Variants in KCNH1 observed in about 807,000 individuals in gnomAD.
KCNH1 encodes potassium voltage-gated channel subfamily H member 1, also known as voltage-gated delayed rectifier potassium channel KCNH1.
KCNH1 carries 27 observed loss-of-function variants against 69.2 expected under a neutral mutation model. The ratio of observed to expected loss-of-function variants is 0.39; its 90% CI spans 0.29 to 0.54. The LOEUF (loss-of-function observed/expected upper bound fraction) is 0.54. KCNH1 is among the 20% of genes least tolerant of loss of function. KCNH1 has a pLI of 0.68. For missense variants in KCNH1, 798 were observed against 1,261.6 expected, an observed-to-expected ratio of 0.63 and a Z score of 5.57; for synonymous variants, 456 against 487.7, an observed-to-expected ratio of 0.93 and a Z score of 0.86.
chr1:211,017,922 G>T lies in KCNH1; in HGVS notation c.1032+861C>A, dbSNP rs113462254. 9.5e-3 allele frequency among the ~76,000 whole-genome samples: 1,444 copies of T among 152,212 alleles called. 11 individuals are homozygous for T. Among genetic ancestry groups the T allele is most frequent in the Non-Finnish European group, 0.015 (1,050 of 68,006 alleles). On this transcript the variant is annotated intron_variant, in intron 6 of 10. Transcript: ENST00000271751. ...CCTAATGGGAGGTGTTTGGGTCATG[G>T]GGGGTGGATCCCTCTTAAGTATATT...
chr1:210,955,383 G>A lies in KCNH1; in HGVS notation c.1033-35314C>T, dbSNP rs572009407. Among the ~76,000 whole-genome samples, 3 of 152,202 alleles carry A rather than the reference G, an allele frequency of 2.0e-5. No individual in the cohort carries two copies. The East Asian group carries it at 5.8e-4, about 29-fold the overall frequency. ...TGGCTTAGGATTGTCTTGGCTATGT[G>A]GACTCTTTTTTGGTTCCATATGAAC... On this transcript the variant is annotated intron_variant, in intron 6 of 10. Coordinates refer to ENST00000271751, the MANE Select transcript of KCNH1 (RefSeq NM_172362.3).
chr1:210,870,637 A>G lies in KCNH1; in HGVS notation c.1462+49003T>C, dbSNP rs374665663. The stretch of plus-strand genomic sequence containing the variant: ...TTGTCATGCTTTATTAGTAGACATG[A>G]TAAGTCATAAATCTTAGTTCCTCTT... On this transcript the variant is annotated intron_variant, in intron 7 of 10. Transcript: ENST00000271751. Among the ~76,000 whole-genome samples the G allele has an allele frequency of 3.3e-5, 5 of 152,144 alleles. No individual in the cohort carries two copies. In the East Asian group the frequency reaches 7.7e-4, roughly 23 times the overall value.
At chr1:210,748,547 A>G (rs1006294883) in intron 10 of KCNH1, among the ~76,000 whole-genome samples, 5 of 152,216 alleles carry the variant, frequency 3.3e-5, no homozygotes, top group African/African-American at 1.2e-4. Context: ...ATTCAACGTT[A>G]TGGTACTATG....
At chr1:210,715,171 G>GAGAT (rs552512383) in intron 10 of KCNH1, among the ~76,000 whole-genome samples, 64 of 152,308 alleles carry the variant, frequency 4.2e-4, no homozygotes, top group African/African-American at 1.5e-3. Flanking sequence ...ATCAGGGGCA[G>GAGAT]AGATAGGCTT....
At chr1:210,859,599 TTCA>T in intron 7 of KCNH1, 2 of 1,462,794 alleles carry the variant, frequency 1.4e-6, no homozygotes, top group South Asian at 2.3e-5. Context: ...GTTCCTCGGT[TTCA>T]TCATCATATT....
chr1:211,047,491 C>T (rs929451887), intron 5 of KCNH1, among the ~76,000 whole-genome samples: 10 of 152,126 alleles, frequency 6.6e-5, no homozygotes, highest in Non-Finnish European at 1.3e-4. Context: ...CATCAAGGTG[C>T]GGCTTTTGAA....
chr1:210,881,422 T>A (rs1686491249), intron 7 of KCNH1, among the ~76,000 whole-genome samples: 1 of 152,196 alleles, frequency 6.6e-6, no homozygotes, highest in South Asian at 2.1e-4. Context: ...CTGGTGGGAA[T>A]GCAAAATGGT....
At chr1:210,834,566 G>A (rs1278431043) in intron 7 of KCNH1, among the ~76,000 whole-genome samples, 1 of 147,280 alleles carries the variant, frequency 6.8e-6, no homozygotes, top group Non-Finnish European at 1.5e-5. Context: ...GATAGCATTG[G>A]GAGATATACC....
chr1:211,018,715 T>C lies in KCNH1; in HGVS notation c.1032+68A>G, dbSNP rs1689538361. 9.7e-6 allele frequency: 12 copies of C among 1,234,174 alleles called. No individual in the cohort carries two copies. The South Asian group carries it at 1.7e-4, about 18-fold the overall frequency. 76.5% of individuals were successfully genotyped at this position (1,234,174 alleles called of 1,614,324 possible). A position where few individuals can be genotyped will look rare whatever the true frequency, so the allele number is the denominator to read the frequency against. On this transcript the variant is annotated intron_variant, in intron 6 of 10. Transcript: ENST00000271751. ...TTTCCCACCCATTTAATTATTCTTC[T>C]GTTGACCACCCACATTTAACTCAGT... is the stretch of plus-strand genomic sequence containing the variant.
At chr1:211,054,238 C>A (rs12127815) in intron 5 of KCNH1, among the ~76,000 whole-genome samples, 58,327 of 151,624 alleles carry the variant, frequency 0.38, 11,550 homozygotes, top group South Asian at 0.46. Context: ...GCCAAGATGG[C>A]GTCCCTGCAC....
rs1417127920 is a variant in KCNH1, at chr1:211,098,458, G to A, written c.310+5038C>T. Among the ~76,000 whole-genome samples, 3 of 151,944 alleles carry A rather than the reference G, an allele frequency of 2.0e-5. 1 individual carries two copies. Among genetic ancestry groups the A allele is most frequent in the South Asian group, 4.2e-4 (2 of 4,818 alleles). ...TAGATAGAAATCTTTCAAATAATCCGTCCTTCAACATATGTAATGGTATCC... is the reference window on the plus strand; with the variant it reads ...TAGATAGAAATCTTTCAAATAATCCATCCTTCAACATATGTAATGGTATCC... On this transcript the variant is annotated intron_variant, in intron 3 of 10. Transcript: ENST00000271751.
chr1:211,006,026 A>T (rs1211941029), intron 6 of KCNH1, among the ~76,000 whole-genome samples: 1 of 152,208 alleles, frequency 6.6e-6, no homozygotes, highest in African/African-American at 2.4e-5. Flanking sequence ...CAAAAAATAT[A>T]TATCAAAACT....
rs774949643 is a variant in KCNH1, at chr1:210,797,580, C to T, written c.1843G>A (p.Val615Ile). The T allele has an allele frequency of 2.4e-5, 39 of 1,614,198 alleles. No individual in the cohort carries two copies. The highest frequency in any genetic ancestry group is 2.8e-5 in the Non-Finnish European group (33 of 1,180,024). Reference sequence around the variant, plus strand: ...GAAACCACAAAGCAGAGGCTGTCAACGCTCTCTCCTGCATGGTAGATGAGG... The same window carrying T: ...GAAACCACAAAGCAGAGGCTGTCAATGCTCTCTCCTGCATGGTAGATGAGG... ...GDLIYHAGES[V>I]DSLCFVVSGS... Residue 615 changes from valine to isoleucine, a missense_variant, in exon 9 of 11, where the codon GTT becomes ATT. Coordinates refer to ENST00000271751, the MANE Select transcript of KCNH1 (RefSeq NM_172362.3).
chr1:211,120,549 T>A (rs1368533615), intron 1 of KCNH1, among the ~76,000 whole-genome samples: 2 of 152,126 alleles, frequency 1.3e-5, no homozygotes, highest in Admixed American at 1.3e-4. Flanking sequence ...TGCACATCTA[T>A]ATATATTATA....
intron 1 of KCNH1, among the ~76,000 whole-genome samples, chr1:211,116,024 T>C (rs1475676815): frequency 6.6e-6 from 1 of 151,952 alleles, no homozygotes; most frequent in East Asian, 1.9e-4. Context: ...TAGTCCCAGA[T>C]ACTCGGGAGG....
intron 7 of KCNH1, among the ~76,000 whole-genome samples, chr1:210,909,975 C>T (rs955495034): frequency 2.2e-4 from 33 of 152,214 alleles, no homozygotes; most frequent in African/African-American, 7.7e-4. Flanking sequence ...TTGAAGACTA[C>T]AGGATTGAGA....
intron 7 of KCNH1, among the ~76,000 whole-genome samples, chr1:210,838,924 G>A (rs969584562): frequency 1.3e-5 from 2 of 152,202 alleles, no homozygotes; most frequent in Non-Finnish European, 2.9e-5. Context: ...TGCTGGCAGG[G>A]TTGCAGAGAA....
intron 7 of KCNH1, among the ~76,000 whole-genome samples, chr1:210,885,496 G>T (rs1686584254): frequency 6.7e-6 from 1 of 150,240 alleles, no homozygotes; most frequent in African/African-American, 2.4e-5. Context: ...TTGGGCAGGA[G>T]TTTTTTTTTT....
intron 6 of KCNH1, among the ~76,000 whole-genome samples, chr1:210,970,766 A>C (rs888348257): frequency 2.6e-5 from 4 of 152,222 alleles, no homozygotes; most frequent in African/African-American, 9.6e-5. Context: ...AAGCAACTGC[A>C]ACAAACGCTA....
Sources: allele counts gnomAD v4.1 joint callset (sites outside exome capture counted in the v4.1 genomes callset), GRCh38; gene constraint gnomAD v4.1.1; transcripts MANE v1.5; gene names NCBI Gene and HGNC (gene_info 2026-07-23, HGNC 2026-07-21).